The following ROBO2 variants were observed in gnomAD, a reference collection of about 807,000 sequenced individuals.
The protein encoded by ROBO2 is roundabout homolog 2.
In ROBO2, 53 loss-of-function variants were observed where a neutral mutation model predicts 160.8. The observed-to-expected ratio is 0.33, with a 90% confidence interval of 0.26 to 0.41. ROBO2 has a LOEUF of 0.41. ROBO2 is among the 10% of genes least tolerant of loss of function. The pLI, the probability that ROBO2 is intolerant of heterozygous loss-of-function variation, is 1.00. For synonymous variants in ROBO2, 664 were observed against 611.7 expected (o/e 1.09, Z -1.26); for missense variants, 1,577 against 1,722.4 (o/e 0.92, Z 1.49).
At chr3:76,649,757 A>T (rs2091165128) in intron 2 of ROBO2, among the ~76,000 whole-genome samples, 1 of 152,152 alleles carries the variant, frequency 6.6e-6, no homozygotes, top group Admixed American at 6.5e-5. Flanking sequence ...TTAAAAGAAC[A>T]GTTGGATATG....
intron 3 of ROBO2, among the ~76,000 whole-genome samples, 184 bp from the exon 4 acceptor site, chr3:77,480,915 G>T (rs2084610409): frequency 6.6e-6 from 1 of 152,116 alleles, no homozygotes; most frequent in Non-Finnish European, 1.5e-5. Context: ...AGAAAGTATG[G>T]AAACTTACAT....
At chr3:76,757,780 T>A (rs1164324763) in intron 2 of ROBO2, among the ~76,000 whole-genome samples, 2 of 151,778 alleles carry the variant, frequency 1.3e-5, no homozygotes, top group Non-Finnish European at 2.9e-5. Flanking sequence ...TTGAACCTTC[T>A]AAACCACAGA....
At chr3:76,204,666 A>G (rs1172503783) in intron 2 of ROBO2, among the ~76,000 whole-genome samples, 1 of 152,170 alleles carries the variant, frequency 6.6e-6, no homozygotes, top group African/African-American at 2.4e-5. Flanking sequence ...GGAGAATTTC[A>G]TGTGAATTAG....
chr3:76,851,909 A>G (rs1004346604), intron 2 of ROBO2, among the ~76,000 whole-genome samples: 8 of 152,126 alleles, frequency 5.3e-5, no homozygotes, highest in East Asian at 3.9e-4. Context: ...TGCAGGCATT[A>G]TAAGACAGGA....
intron 2 of ROBO2, among the ~76,000 whole-genome samples, chr3:77,102,360 T>G (rs996439869): frequency 3.3e-5 from 5 of 152,114 alleles, no homozygotes; most frequent in Admixed American, 1.3e-4. Context: ...CTCTGGCGTT[T>G]GTTCACAAGG....
In ROBO2 at chr3:77,454,986, G is replaced by A. The variant is rs554200949; in HGVS notation, c.389-22428G>A. ...GGGTGTATAAAAGTGGCTTAAACTA[G>A]GAGATGGCGAGAAAAAATGGATTAG... On this transcript the variant is annotated intron_variant, in intron 2 of 25. Transcript: ENST00000461745. Among the ~76,000 whole-genome samples, 15 of 152,262 alleles carry A rather than the reference G, an allele frequency of 9.9e-5. No individual in the cohort carries two copies. In the South Asian group the frequency reaches 2.9e-3, roughly 29 times the overall value.
intron 1 of ROBO2, among the ~76,000 whole-genome samples, chr3:77,065,697 A>C (rs1472158503): frequency 6.6e-6 from 1 of 152,168 alleles, no homozygotes; most frequent in Non-Finnish European, 1.5e-5. Flanking sequence ...AAATAGTAAA[A>C]TAATGTTATT....
intron 2 of ROBO2, among the ~76,000 whole-genome samples, chr3:76,149,751 A>G (rs71625097): frequency 7.8e-6 from 1 of 128,086 alleles, no homozygotes; most frequent in African/African-American, 2.7e-5. Flanking sequence ...CACACATCAT[A>G]TGTCTAAAGC....
chr3:76,270,119 A>G lies in ROBO2; in HGVS notation c.109+332517A>G, dbSNP rs577194721. On this transcript the variant is annotated intron_variant, in intron 2 of 26. Transcript: ENST00000487694. ...GGATAGTGCTTATTGAAATAAGAAT[A>G]TGTCTTAGGTAATTTCTCAAAGATC... 2.0e-5 allele frequency among the ~76,000 whole-genome samples: 3 copies of G among 152,144 alleles called. No individual in the cohort carries two copies. The South Asian group carries it at 6.2e-4, about 32-fold the overall frequency.
chr3:76,891,262 C>T (rs1432759383), intron 2 of ROBO2, among the ~76,000 whole-genome samples: 2 of 152,088 alleles, frequency 1.3e-5, no homozygotes, highest in African/African-American at 4.8e-5. Context: ...TTTGTGCTAA[C>T]ATTATCCAGT....
chr3:76,493,686 C>T (rs557066231), intron 2 of ROBO2, among the ~76,000 whole-genome samples: 5 of 152,066 alleles, frequency 3.3e-5, no homozygotes, highest in Middle Eastern at 3.4e-3. Flanking sequence ...TATCGATTTC[C>T]GTTCCCAAGC....
chr3:77,399,891 A>G (rs1376845530), intron 2 of ROBO2, among the ~76,000 whole-genome samples: 1 of 152,194 alleles, frequency 6.6e-6, no homozygotes, highest in Non-Finnish European at 1.5e-5. Context: ...TCTAGGAGTC[A>G]TGGTGATTCC....
intron 2 of ROBO2, among the ~76,000 whole-genome samples, chr3:76,454,228 T>TA (rs2077629042): frequency 1.3e-5 from 2 of 152,186 alleles, no homozygotes; most frequent in African/African-American, 4.8e-5. Context: ...CAGATTTGTT[T>TA]AAAAAATTTG....
intron 2 of ROBO2, among the ~76,000 whole-genome samples, chr3:76,798,280 G>GAAAGAAAGA (rs2108815223): frequency 7.1e-6 from 1 of 141,488 alleles, no homozygotes; most frequent in Admixed American, 7.1e-5. Flanking sequence ...AAGAAAGAAA[G>GAAAGAAAGA]AAAGAAAGAA....
intron 2 of ROBO2, among the ~76,000 whole-genome samples, chr3:76,762,050 G>A (rs1443274384): frequency 6.6e-6 from 1 of 151,072 alleles, no homozygotes. Flanking sequence ...TCTCCAAACC[G>A]AGTAGAGTTC....
At chr3:77,250,122 C>T (rs550881639) in intron 2 of ROBO2, among the ~76,000 whole-genome samples, 71 of 152,268 alleles carry the variant, frequency 4.7e-4, no homozygotes, top group Non-Finnish European at 9.4e-4. Context: ...ATTGCTTCAA[C>T]TGCAATTCAG....
intron 2 of ROBO2, among the ~76,000 whole-genome samples, chr3:76,334,141 TA>T (rs765581758): frequency 4.6e-5 from 7 of 152,080 alleles, no homozygotes; most frequent in African/African-American, 7.2e-5. Context: ...TAAAGTATAA[TA>T]AAAAAATATA....
At chr3:76,676,467 G>A (rs1336009116) in intron 2 of ROBO2, among the ~76,000 whole-genome samples, 6 of 152,112 alleles carry the variant, frequency 3.9e-5, no homozygotes, top group African/African-American at 4.8e-5. Flanking sequence ...TTATAGCAGC[G>A]TGAAAACGGA....
At chr3:77,007,178 T>C (rs1212473146) in intron 2 of ROBO2, among the ~76,000 whole-genome samples, 1 of 152,040 alleles carries the variant, frequency 6.6e-6, no homozygotes, top group Non-Finnish European at 1.5e-5. Flanking sequence ...GATGAGAAAA[T>C]ACACATCAAC....
Sources: allele counts gnomAD v4.1 joint callset (sites outside exome capture counted in the v4.1 genomes callset), GRCh38; gene constraint gnomAD v4.1.1; transcripts MANE v1.5; gene names NCBI Gene and HGNC (gene_info 2026-07-23, HGNC 2026-07-21).